OXR1: variants seen among roughly 807,000 people sequenced by gnomAD.
OXR1 encodes the protein oxidation resistance 1, also known as oxidation resistance protein 1.
OXR1 carries 41 observed loss-of-function variants against 104.6 expected under a neutral mutation model. That is an observed-to-expected ratio of 0.39 (90% CI 0.31 to 0.51). OXR1 has a LOEUF of 0.51. OXR1 is among the 20% of genes least tolerant of loss of function. OXR1 has a pLI of 0.77. For synonymous variants in OXR1, 348 were observed against 348.4 expected, an observed-to-expected ratio of 1.00 and a Z score of 0.01; for missense variants, 955 against 1,031.9, an observed-to-expected ratio of 0.93 and a Z score of 1.02.
intron 3 of OXR1, among the ~76,000 whole-genome samples, chr8:106,569,244 GC>G (rs1157515579): frequency 6.6e-6 from 1 of 151,900 alleles, no homozygotes; most frequent in African/African-American, 2.4e-5. Context: ...ACAAACCTAT[GC>G]CCCCCTTCTT....
chr8:106,740,311 TCA>T, intron 13 of OXR1, 30 bp from the exon 14 acceptor site: 1 of 1,583,136 alleles, frequency 6.3e-7, no homozygotes, highest in East Asian at 2.2e-5. Context: ...CAACAAGCTA[TCA>T]AGTAAATACT....
intron 3 of OXR1, among the ~76,000 whole-genome samples, chr8:106,640,490 G>A (rs1045210016): frequency 6.6e-6 from 1 of 151,744 alleles, no homozygotes; most frequent in Non-Finnish European, 1.5e-5. Flanking sequence ...GCAGGCATCT[G>A]TATGGCGCTC....
At chr8:106,598,898 T>TCTTACCTGA (rs1819729966) in intron 3 of OXR1, among the ~76,000 whole-genome samples, 1 of 152,192 alleles carries the variant, frequency 6.6e-6, no homozygotes, top group Admixed American at 6.5e-5. Context: ...TAAGCAAATA[T>TCTTACCTGA]AATTACCTGA....
chr8:106,509,589 T>C (rs1179599565), intron 2 of OXR1, among the ~76,000 whole-genome samples: 1 of 152,220 alleles, frequency 6.6e-6, no homozygotes, highest in African/African-American at 2.4e-5. Flanking sequence ...GCCCTTGCCC[T>C]GTTTTGTCCC....
At chr8:106,464,041 T>G (rs1821050067) in intron 2 of OXR1, among the ~76,000 whole-genome samples, 1 of 151,836 alleles carries the variant, frequency 6.6e-6, no homozygotes, top group Non-Finnish European at 1.5e-5. Flanking sequence ...TTAAGTGAAC[T>G]TACCTATTTT....
At chr8:106,429,581 A>C (rs1819274345) in intron 2 of OXR1, among the ~76,000 whole-genome samples, 2 of 151,686 alleles carry the variant, frequency 1.3e-5, no homozygotes, top group Admixed American at 6.6e-5. Context: ...GAATCACTTG[A>C]ACCTGGAGAT....
intron 2 of OXR1, among the ~76,000 whole-genome samples, chr8:106,470,968 T>C (rs1358376134): frequency 6.6e-6 from 1 of 151,754 alleles, no homozygotes; most frequent in Non-Finnish European, 1.5e-5. Context: ...GTTTTGGTGG[T>C]ATGGTAAAGT....
chr8:106,437,929 G>A (rs1259897521), intron 2 of OXR1, among the ~76,000 whole-genome samples: 1 of 152,110 alleles, frequency 6.6e-6, no homozygotes, highest in Non-Finnish European at 1.5e-5. Context: ...GCTAGAAGCT[G>A]GGACTGTAGA....
At chr8:106,497,727 T>C (rs952049501) in intron 2 of OXR1, among the ~76,000 whole-genome samples, 2 of 152,140 alleles carry the variant, frequency 1.3e-5, no homozygotes, top group African/African-American at 4.8e-5. Context: ...GTGTATTAGA[T>C]GATTAAACCC....
chr8:106,271,167 G>A (rs1811788139), intron 1 of OXR1, among the ~76,000 whole-genome samples: 1 of 152,054 alleles, frequency 6.6e-6, no homozygotes, highest in African/African-American at 2.4e-5. Context: ...GGAGAGGGTT[G>A]GAGGCTTCCC....
At chr8:106,524,672 C>T (rs1328447109) in intron 3 of OXR1, among the ~76,000 whole-genome samples, 1 of 152,170 alleles carries the variant, frequency 6.6e-6, no homozygotes, top group African/African-American at 2.4e-5. Flanking sequence ...TCAAGGCAGC[C>T]ATCGTATGCG....
chr8:106,724,657 A>C (rs1833157841), intron 11 of OXR1, among the ~76,000 whole-genome samples: 1 of 152,206 alleles, frequency 6.6e-6, no homozygotes, highest in Admixed American at 6.5e-5. Context: ...ACTCCAGGTG[A>C]TATTGATGCC....
intron 2 of OXR1, among the ~76,000 whole-genome samples, chr8:106,432,305 T>G (rs564439445): frequency 6.6e-6 from 1 of 152,138 alleles, no homozygotes; most frequent in Non-Finnish European, 1.5e-5. Flanking sequence ...CTCCTCACTC[T>G]TCCATGGTCT....
At chr8:106,594,353 AT>A (rs890711139) in intron 3 of OXR1, among the ~76,000 whole-genome samples, 3 of 152,240 alleles carry the variant, frequency 2.0e-5, no homozygotes, top group African/African-American at 4.8e-5. Flanking sequence ...TTGAAATTAA[AT>A]GATTAATTCA....
intron 2 of OXR1, among the ~76,000 whole-genome samples, chr8:106,375,599 C>T (rs1816876382): frequency 6.6e-6 from 1 of 152,158 alleles, no homozygotes; most frequent in African/African-American, 2.4e-5. Flanking sequence ...CACGAGACAT[C>T]TGACTACTAG....
intron 7 of OXR1, among the ~76,000 whole-genome samples, chr8:106,694,917 T>TTATATATATTTATATATATAAATATAAAA (rs1829809434): frequency 5.4e-5 from 7 of 130,776 alleles, no homozygotes; most frequent in Admixed American, 3.3e-4. Context: ...ATTTACATAT[T>TTATATATATTTATATATATAAATATAAAA]TATATATATT....
rs546533438 is a variant in OXR1 at position 106,320,440 on chromosome 8, C to A, written c.-138-39036C>A. On this transcript the variant is annotated intron_variant, in intron 1 of 16. Coordinates refer to ENST00000517566, the MANE Select transcript of OXR1 (RefSeq NM_001198533.2). ...GGGGGAATCGTTGTGATAACTTACC[C>A]TTTAACATTTGTCTCATAGGCTCAT... is the stretch of plus-strand genomic sequence containing the variant. Among the ~76,000 whole-genome samples the A allele has an allele frequency of 2.6e-5, 4 of 152,240 alleles. No homozygotes were observed. In the East Asian group the frequency reaches 5.8e-4, roughly 22 times the overall value.
chr8:106,716,876 T>C (rs1832314669), intron 11 of OXR1, among the ~76,000 whole-genome samples: 2 of 152,188 alleles, frequency 1.3e-5, no homozygotes, highest in South Asian at 2.1e-4. Flanking sequence ...AGTGCAGGTC[T>C]ATGCCTCATG....
rs549479083 is a variant in OXR1, at chr8:106,358,947, T to C, written c.-138-529T>C. Among the ~76,000 whole-genome samples, 13 of 152,290 alleles carry C rather than the reference T, an allele frequency of 8.5e-5. No individual in the cohort carries two copies. In the South Asian group the frequency reaches 2.7e-3, roughly 32 times the overall value. On this transcript the variant is annotated intron_variant, in intron 1 of 16. Transcript: ENST00000517566. The stretch of plus-strand genomic sequence containing the variant: ...TAAATAATTTAGTGAATAATTTAAT[T>C]CACCGTCTTATTTAGCGAATAATTT...
Sources: allele counts gnomAD v4.1 joint callset (sites outside exome capture counted in the v4.1 genomes callset), GRCh38; gene constraint gnomAD v4.1.1; transcripts MANE v1.5; gene names NCBI Gene and HGNC (gene_info 2026-07-23, HGNC 2026-07-21).